WSCD2: variants seen among roughly 807,000 people sequenced by gnomAD.
The protein encoded by WSCD2 is WSC domain sialate O sulfotransferase 2, also known as sialate:O-sulfotransferase 2.
A neutral mutation model predicts 55.7 loss-of-function variants in WSCD2; 28 were observed. The observed-to-expected ratio is 0.50, with a 90% CI of 0.37 to 0.69. WSCD2 has a LOEUF of 0.69. WSCD2 is among the 30% of genes least tolerant of loss of function. WSCD2 has a pLI of 0.00. For missense variants in WSCD2, 616 were observed against 762.1 expected (o/e 0.81, Z 2.26); for synonymous variants, 301 against 301.9 (o/e 1.00, Z 0.03).
intron 1 of WSCD2, among the ~76,000 whole-genome samples, chr12:108,135,636 G>T (rs1469652702): frequency 6.6e-6 from 1 of 152,180 alleles, no homozygotes; most frequent in Non-Finnish European, 1.5e-5. Context: ...CATCCTGACT[G>T]TCTGAAACTG....
At chr12:108,218,068 C>T (rs1887058705) in intron 4 of WSCD2, among the ~76,000 whole-genome samples, 1 of 152,182 alleles carries the variant, frequency 6.6e-6, no homozygotes, top group Non-Finnish European at 1.5e-5. Context: ...GGCAAGCAGA[C>T]GGACCTTTGA....
At chr12:108,161,734 G>C (rs1210065500) in intron 1 of WSCD2, among the ~76,000 whole-genome samples, 1 of 152,216 alleles carries the variant, frequency 6.6e-6, no homozygotes, top group African/African-American at 2.4e-5. Context: ...CATAGTTCTT[G>C]TTTTGTTATT....
chr12:108,150,964 G>C (rs539568083), intron 1 of WSCD2, among the ~76,000 whole-genome samples: 2 of 152,050 alleles, frequency 1.3e-5, no homozygotes, highest in East Asian at 3.9e-4. Context: ...CTTGGATCTG[G>C]GCTCCTGCCA....
Position 108,195,898 on chromosome 12 carries a change from C to T in WSCD2, c.66C>T (p.Phe22=), listed in dbSNP as rs903382681. Residue 22 remains phenylalanine, a synonymous_variant, in exon 2 of 9, where the codon TTC becomes TTT. Transcript: ENST00000547525. ...FRRKPVRFFT[F]LALYLTAGSL... The stretch of plus-strand genomic sequence containing the variant: ...GGAAACCTGTGCGCTTCTTTACCTT[C>T]CTGGCACTCTACCTGACTGCTGGGA... 9 of 1,614,066 alleles carry T rather than the reference C, an allele frequency of 5.6e-6. No individual in the cohort carries two copies. In the Admixed American group the frequency reaches 1.3e-4, roughly 24 times the overall value.
chr12:108,192,721 A>T (rs1331986766), intron 1 of WSCD2, among the ~76,000 whole-genome samples: 2 of 152,002 alleles, frequency 1.3e-5, no homozygotes, highest in African/African-American at 4.8e-5. Context: ...TCCCTGGGCT[A>T]ACCTTCTGTT....
chr12:108,171,499 G>T (rs1290075677), intron 1 of WSCD2, among the ~76,000 whole-genome samples: 1 of 152,218 alleles, frequency 6.6e-6, no homozygotes, highest in Non-Finnish European at 1.5e-5. Flanking sequence ...ATGAAAAAAA[G>T]AATGTGAAAT....
intron 1 of WSCD2, among the ~76,000 whole-genome samples, chr12:108,136,581 A>C (rs1286004862): frequency 6.6e-6 from 1 of 151,976 alleles, no homozygotes; most frequent in Non-Finnish European, 1.5e-5. Flanking sequence ...CTCTCACTGA[A>C]TCCTTGTGAC....
At chr12:108,188,736 T>G (rs1255855724) in intron 1 of WSCD2, among the ~76,000 whole-genome samples, 1 of 152,114 alleles carries the variant, frequency 6.6e-6, no homozygotes, top group Non-Finnish European at 1.5e-5. Context: ...ATCTTCAGGC[T>G]CAGAAAGGTT....
chr12:108,247,275 G>A (rs1410889294), intron 8 of WSCD2, among the ~76,000 whole-genome samples: 1 of 150,674 alleles, frequency 6.6e-6, no homozygotes, highest in African/African-American at 2.4e-5. Context: ...AGAATTAAAA[G>A]CTATATTAAT....
intron 1 of WSCD2, among the ~76,000 whole-genome samples, chr12:108,159,084 C>A (rs1444144557): frequency 6.6e-6 from 1 of 152,220 alleles, no homozygotes; most frequent in African/African-American, 2.4e-5. Context: ...CTCCAGCCAT[C>A]TTAGCCTCTT....
chr12:108,238,634 G>A (rs1889456063), intron 7 of WSCD2, among the ~76,000 whole-genome samples: 2 of 152,322 alleles, frequency 1.3e-5, no homozygotes, highest in South Asian at 4.1e-4. Flanking sequence ...GCCTTGTGAG[G>A]GAGAAAGTGC....
chr12:108,230,997 C>G (rs1047906918), intron 6 of WSCD2, among the ~76,000 whole-genome samples: 15 of 152,060 alleles, frequency 9.9e-5, no homozygotes, highest in Admixed American at 5.9e-4. Flanking sequence ...AACGAGGGAG[C>G]TATTTGTTCC....
chr12:108,228,866 A>C (rs1319878801), intron 6 of WSCD2, among the ~76,000 whole-genome samples: 1 of 152,138 alleles, frequency 6.6e-6, no homozygotes. Context: ...TTACAGTCCG[A>C]TGGGGAAGGA....
chr12:108,144,578 T>C, intron 1 of WSCD2, among the ~76,000 whole-genome samples: 1 of 152,182 alleles, frequency 6.6e-6, no homozygotes, highest in East Asian at 1.9e-4. Flanking sequence ...GGAGAGCAAC[T>C]CACTTCACCT....
chr12:108,132,085 C>A (rs1317799109), intron 1 of WSCD2, among the ~76,000 whole-genome samples: 1 of 151,824 alleles, frequency 6.6e-6, no homozygotes, highest in African/African-American at 2.4e-5. Context: ...CGTATGCACA[C>A]ATGGGGGAAT....
rs754237193 is a variant in WSCD2 at position 108,248,196 on chromosome 12, C to T, written c.1551C>T (p.Asn517=). 3.1e-6 allele frequency: 5 copies of T among 1,614,222 alleles called. No homozygotes were observed. In the South Asian group the frequency reaches 4.4e-5, roughly 14 times the overall value. ...GTGTGGAGAGCCAGAAGGATGGCAA[C>T]TTCAAGCGCTCAGGGCTCCGGAAGC... ...LLCVESQKDG[N]FKRSGLRKLE... Residue 517 remains asparagine (N), a synonymous_variant, in exon 9 of 9, where the codon AAC becomes AAT. Transcript: ENST00000547525. The surrounding 1 kb of genome is among the most constrained non-coding windows in gnomAD (Gnocchi z 4.3).
chr12:108,240,609 G>A, intron 8 of WSCD2, 65 bp downstream of exon 8: 1 of 1,197,736 alleles, frequency 8.3e-7, no homozygotes, highest in Non-Finnish European at 1.2e-6. Flanking sequence ...CGGTGGGAGG[G>A]TCCCGTGCTC....
intron 1 of WSCD2, among the ~76,000 whole-genome samples, chr12:108,145,451 A>G (rs2136895544): frequency 6.6e-6 from 1 of 152,342 alleles, no homozygotes; most frequent in East Asian, 1.9e-4. Flanking sequence ...TTCCCAGGCT[A>G]ACATTCCAAG....
intron 8 of WSCD2, among the ~76,000 whole-genome samples, chr12:108,241,936 C>T (rs1889778347): frequency 6.6e-6 from 1 of 152,186 alleles, no homozygotes. Flanking sequence ...GGGATTTGAA[C>T]TCAGGGAATC....
Sources: gnomAD v4.1 joint callset for allele counts (sites outside exome capture counted in the v4.1 genomes callset) on GRCh38, gnomAD v4.1.1 for gene constraint, Gnocchi (gnomAD v3.1) non-coding constraint, MANE v1.5 for transcripts, NCBI Gene and HGNC (gene_info 2026-07-23, HGNC 2026-07-21) for gene names.